Variants in GPC3 observed in about 807,000 individuals in gnomAD.
The protein encoded by GPC3 is glypican-3.
GPC3 carries 3 observed loss-of-function variants against 34.4 expected under a neutral mutation model. The observed-to-expected ratio is 0.09, with a 90% CI of 0.04 to 0.23. GPC3 has a LOEUF of 0.23. Among genes scored for constraint, GPC3 ranks in the 10% least tolerant of loss-of-function variants. GPC3 has a pLI of 1.00. For synonymous variants in GPC3, 177 were observed against 174.0 expected, an observed-to-expected ratio of 1.02 and a Z score of -0.13; for missense variants, 351 against 445.6, an observed-to-expected ratio of 0.79 and a Z score of 1.91.
At chrX:133,749,583 T>A (rs1368135553) in intron 3 of GPC3, among the ~76,000 whole-genome samples, 4 of 111,570 alleles carry the variant, frequency 3.6e-5, no homozygotes. Flanking sequence ...ACAATCTTCA[T>A]AATCTGGGTA....
chrX:133,585,151 C>G (rs929218348), intron 7 of GPC3, among the ~76,000 whole-genome samples: 32 of 111,707 alleles, frequency 2.9e-4, no homozygotes, highest in African/African-American at 1.0e-3. Context: ...GTCCTTGTAC[C>G]CGACAGACAA....
At chrX:133,839,081 G>C (rs957009894) in intron 2 of GPC3, among the ~76,000 whole-genome samples, 3 of 111,704 alleles carry the variant, frequency 2.7e-5, no homozygotes, top group African/African-American at 9.8e-5. Flanking sequence ...AGTTTCTTCA[G>C]ATAAAAGCCC....
At chrX:133,792,624 G>A (rs1341860838) in intron 2 of GPC3, among the ~76,000 whole-genome samples, 1 of 111,126 alleles carries the variant, frequency 9.0e-6, no homozygotes, top group Non-Finnish European at 1.9e-5. Flanking sequence ...ACACCAGAGG[G>A]CGGTATACCC....
Position 133,846,721 on chromosome X carries a change from C to G in GPC3, c.338-92545G>C, listed in dbSNP as rs753029579. Among the ~76,000 whole-genome samples the G allele has an allele frequency of 9.0e-4, 101 of 111,855 alleles. 1 individual carries two copies. Among genetic ancestry groups the G allele is most frequent in the African/African-American group, 2.9e-3 (90 of 30,899 alleles). ...TTTACATTGTGCTTTCTAACTGCCA[C>G]CAGAATAGCTTATATTTGTAGTTTA... is the stretch of plus-strand genomic sequence containing the variant. On this transcript the variant is annotated intron_variant, in intron 2 of 7. Coordinates refer to ENST00000370818, the MANE Select transcript of GPC3 (RefSeq NM_004484.4).
chrX:133,921,931 G>A (rs2076250217), intron 2 of GPC3, among the ~76,000 whole-genome samples: 1 of 112,268 alleles, frequency 8.9e-6, no homozygotes, highest in Non-Finnish European at 1.9e-5. Flanking sequence ...AACAATGAGG[G>A]ACCTCTGACG....
chrX:133,803,828 C>T (rs2075622325), intron 2 of GPC3, among the ~76,000 whole-genome samples: 1 of 111,546 alleles, frequency 9.0e-6, no homozygotes, highest in South Asian at 3.8e-4. Context: ...CTGCAGGGTT[C>T]TATTTCAGTG....
chrX:133,656,692 T>C (rs2070668467), intron 6 of GPC3, among the ~76,000 whole-genome samples: 1 of 111,344 alleles, frequency 9.0e-6, no homozygotes, highest in Non-Finnish European at 1.9e-5. Flanking sequence ...CAAAACTGTT[T>C]CTATAGTTTA....
Position 133,957,543 on chromosome X carries a change from C to T in GPC3, c.176-4332G>A, listed in dbSNP as rs2076422048. 2.7e-5 allele frequency among the ~76,000 whole-genome samples: 3 copies of T among 112,160 alleles called. No homozygotes were observed. In the South Asian group the frequency reaches 1.1e-3, roughly 41 times the overall value. On this transcript the variant is annotated intron_variant, in intron 1 of 7. Transcript: ENST00000370818. ...AGAAAAAGAATTTAGAGGGAATTCT[C>T]ATCAAGTAAACAAAGAATTAACCTG...
At chrX:133,812,729 G>C (rs996795130) in intron 2 of GPC3, among the ~76,000 whole-genome samples, 8 of 112,317 alleles carry the variant, frequency 7.1e-5, no homozygotes, top group Non-Finnish European at 1.5e-4. Flanking sequence ...AAATAGAAAA[G>C]AGCTCAGGGT....
intron 2 of GPC3, among the ~76,000 whole-genome samples, chrX:133,837,711 A>G (rs1467082129): frequency 9.0e-6 from 1 of 111,724 alleles, no homozygotes; most frequent in African/African-American, 3.3e-5. Context: ...AAATCTAGTC[A>G]CTGATCAGTT....
intron 2 of GPC3, among the ~76,000 whole-genome samples, chrX:133,802,295 T>G (rs955702467): frequency 2.7e-5 from 3 of 110,545 alleles, no homozygotes; most frequent in Admixed American, 1.9e-4. Flanking sequence ...TCACATATAC[T>G]CCCCCATCAG....
chrX:133,960,895 A>G (rs1224181010), intron 1 of GPC3, among the ~76,000 whole-genome samples: 1 of 111,775 alleles, frequency 8.9e-6, no homozygotes, highest in Non-Finnish European at 1.9e-5. Context: ...AAGCCATAAC[A>G]GGCATTTTTT....
chrX:133,936,174 C>T (rs927860703), intron 2 of GPC3, among the ~76,000 whole-genome samples: 2 of 105,790 alleles, frequency 1.9e-5, no homozygotes, highest in African/African-American at 6.9e-5. Flanking sequence ...ATCCACCTAC[C>T]TCAGCCTCAG....
chrX:133,753,034 T>C (rs1045834010), intron 3 of GPC3, among the ~76,000 whole-genome samples: 19 of 111,866 alleles, frequency 1.7e-4, no homozygotes, highest in Non-Finnish European at 3.4e-4. Flanking sequence ...TCCTCATTTA[T>C]AAAATGAAGA....
intron 2 of GPC3, among the ~76,000 whole-genome samples, chrX:133,948,911 A>T (rs985527435): frequency 8.9e-6 from 1 of 112,298 alleles, no homozygotes; most frequent in Non-Finnish European, 1.9e-5. Context: ...ATAATGCATC[A>T]TTTATTTGGC....
At chrX:133,790,462 T>C (rs1368109113) in intron 2 of GPC3, among the ~76,000 whole-genome samples, 2 of 111,677 alleles carry the variant, frequency 1.8e-5, no homozygotes, top group African/African-American at 6.5e-5. Flanking sequence ...ACATGCATCA[T>C]TTGCTGTGTT....
chrX:133,836,175 C>T (rs1011116752), intron 2 of GPC3, among the ~76,000 whole-genome samples: 4 of 113,502 alleles, frequency 3.5e-5, no homozygotes, highest in Non-Finnish European at 7.5e-5. Flanking sequence ...AGCCTTTTCT[C>T]ATGTTGAACT....
intron 6 of GPC3, among the ~76,000 whole-genome samples, chrX:133,631,917 TA>T (rs757410921): frequency 3.8e-5 from 4 of 105,152 alleles, no homozygotes; most frequent in South Asian, 4.1e-4. Context: ...GAGCACGTAT[TA>T]AAAAAAAAAC....
At chrX:133,701,902 T>C (rs7890500) in intron 3 of GPC3, among the ~76,000 whole-genome samples, 1,145 of 112,406 alleles carry the variant, frequency 0.01, 8 homozygotes, top group African/African-American at 0.035. Flanking sequence ...TTATAAAAGA[T>C]AGCATCTATA....
Sources: gnomAD v4.1 joint callset for allele counts (sites outside exome capture counted in the v4.1 genomes callset) on GRCh38, gnomAD v4.1.1 for gene constraint, MANE v1.5 for transcripts, NCBI Gene and HGNC (gene_info 2026-07-23, HGNC 2026-07-21) for gene names.